ZNF385B: variants seen among roughly 807,000 people sequenced by gnomAD.
The protein encoded by ZNF385B is zinc finger protein 385B.
In ZNF385B, 23 loss-of-function variants were observed where a neutral mutation model predicts 39.2. The ratio of observed to expected loss-of-function variants is 0.59; its 90% CI spans 0.42 to 0.83. ZNF385B has a LOEUF of 0.83. ZNF385B is among the 40% of genes least tolerant of loss of function. The pLI, the probability that ZNF385B is intolerant of heterozygous loss-of-function variation, is 0.00. For missense variants in ZNF385B, 552 were observed against 598.9 expected (o/e 0.92, Z 0.82); for synonymous variants, 205 against 222.6 (o/e 0.92, Z 0.70).
intron 5 of ZNF385B, among the ~76,000 whole-genome samples, chr2:179,493,993 T>C (rs771426514): frequency 6.6e-6 from 1 of 151,024 alleles, no homozygotes; most frequent in Non-Finnish European, 1.5e-5. Context: ...AGATAAGAAA[T>C]TATAAATTTT....
chr2:179,523,641 T>C (rs892610953), intron 4 of ZNF385B, among the ~76,000 whole-genome samples: 3 of 152,180 alleles, frequency 2.0e-5, no homozygotes, highest in African/African-American at 7.2e-5. Flanking sequence ...ACTATCCCAG[T>C]ACTTTTCAAG....
intron 5 of ZNF385B, among the ~76,000 whole-genome samples, chr2:179,503,263 T>C (rs1201068400): frequency 6.6e-6 from 1 of 152,202 alleles, no homozygotes; most frequent in Admixed American, 6.5e-5. Context: ...CTGCTGGTGC[T>C]CTAAATCTCT....
At chr2:179,619,186 A>G (rs1485447376) in intron 3 of ZNF385B, among the ~76,000 whole-genome samples, 1 of 152,210 alleles carries the variant, frequency 6.6e-6, no homozygotes, top group Non-Finnish European at 1.5e-5. Context: ...TGCTGTGTTG[A>G]TGAACACTTC....
In ZNF385B at chr2:179,493,480, CAT is replaced by C. The variant is rs1290345566; in HGVS notation, c.553-10048_553-10047del. Among the ~76,000 whole-genome samples, 12 of 60,620 alleles carry C rather than the reference CAT, an allele frequency of 2.0e-4. 1 individual carries two copies. The East Asian group carries it at 2.1e-3, about 11-fold the overall frequency. 39.8% of individuals were successfully genotyped at this position (60,620 alleles called of 152,430 possible). On this transcript the variant is annotated intron_variant, in intron 5 of 9. Transcript: ENST00000410066. ...GTGTGTACATATATGCATGTGTACA[CAT>C]ATGTATAAACGTGTGTGTACATATA...
intron 3 of ZNF385B, among the ~76,000 whole-genome samples, chr2:179,582,851 G>T (rs183972785): frequency 3.5e-4 from 54 of 152,146 alleles, no homozygotes; most frequent in Non-Finnish European, 6.6e-4. Context: ...AATATTTTTT[G>T]TTGTTGTTGT....
intron 3 of ZNF385B, among the ~76,000 whole-genome samples, chr2:179,647,474 C>T (rs1184917253): frequency 6.6e-6 from 1 of 152,016 alleles, no homozygotes; most frequent in Admixed American, 6.6e-5. Context: ...TGAGTCTGAC[C>T]AGGAGATCAC....
chr2:179,495,381 A>G (rs904393628), intron 5 of ZNF385B, among the ~76,000 whole-genome samples: 2 of 152,152 alleles, frequency 1.3e-5, no homozygotes, highest in Non-Finnish European at 2.9e-5. Flanking sequence ...TGACTCTAGT[A>G]CTCAACTGAC....
At chr2:179,766,255 T>TC (rs1466362680) in intron 3 of ZNF385B, among the ~76,000 whole-genome samples, 1 of 152,012 alleles carries the variant, frequency 6.6e-6, no homozygotes, top group Non-Finnish European at 1.5e-5. Flanking sequence ...CGATGCCAAC[T>TC]CCAACACTAC....
At chr2:179,780,348 C>T (rs868848556) in intron 1 of ZNF385B, among the ~76,000 whole-genome samples, 3 of 152,174 alleles carry the variant, frequency 2.0e-5, no homozygotes, top group South Asian at 2.1e-4. Flanking sequence ...CTCTAAGGCA[C>T]AGGAGTCCCA....
intron 3 of ZNF385B, among the ~76,000 whole-genome samples, chr2:179,616,815 C>T (rs1297669472): frequency 6.6e-6 from 1 of 152,134 alleles, no homozygotes; most frequent in South Asian, 2.1e-4. Context: ...CCTGCCTTAG[C>T]CTCCCAAAAT....
intron 3 of ZNF385B, among the ~76,000 whole-genome samples, chr2:179,643,670 T>G (rs764816510): frequency 3.3e-5 from 5 of 152,096 alleles, no homozygotes; most frequent in Non-Finnish European, 7.4e-5. Context: ...GGTAAAACTA[T>G]AGTGGTGGAG....
intron 1 of ZNF385B, among the ~76,000 whole-genome samples, chr2:179,836,543 G>A (rs1371677236): frequency 7.4e-6 from 1 of 135,090 alleles, no homozygotes; most frequent in Non-Finnish European, 1.5e-5. Flanking sequence ...ACGGAGTCTC[G>A]CTCTGTCGCC....
At chr2:179,811,757 A>C (rs2106567279) in intron 1 of ZNF385B, among the ~76,000 whole-genome samples, 1 of 152,192 alleles carries the variant, frequency 6.6e-6, no homozygotes, top group South Asian at 2.1e-4. Context: ...TATGACTAAA[A>C]CCTCAAAAGC....
chr2:179,736,966 C>T (rs1361327594), intron 3 of ZNF385B, among the ~76,000 whole-genome samples: 1 of 152,194 alleles, frequency 6.6e-6, no homozygotes, highest in African/African-American at 2.4e-5. Flanking sequence ...GAGGCTCCGT[C>T]TCCAAACAAA....
At chr2:179,785,922 CA>C (rs1704968684) in intron 1 of ZNF385B, among the ~76,000 whole-genome samples, 1 of 152,146 alleles carries the variant, frequency 6.6e-6, no homozygotes, top group South Asian at 2.1e-4. Flanking sequence ...AAATTGTTAT[CA>C]AACAGCATTG....
chr2:179,739,170 T>C (rs911101767), intron 3 of ZNF385B, among the ~76,000 whole-genome samples: 3 of 152,350 alleles, frequency 2.0e-5, no homozygotes, highest in Admixed American at 6.5e-5. Context: ...TTTATACATA[T>C]AAAACGTCTT....
intron 3 of ZNF385B, among the ~76,000 whole-genome samples, chr2:179,719,146 A>G (rs1700520665): frequency 6.6e-6 from 1 of 151,996 alleles, no homozygotes; most frequent in Non-Finnish European, 1.5e-5. Flanking sequence ...CTAGTCTAGT[A>G]AGTCTCCCCT....
chr2:179,835,313 C>A (rs1708189340), intron 1 of ZNF385B, among the ~76,000 whole-genome samples: 1 of 152,290 alleles, frequency 6.6e-6, no homozygotes, highest in Non-Finnish European at 1.5e-5. Flanking sequence ...GTTTACGCAA[C>A]TTTTCCATCT....
chr2:179,775,501 A>ATT (rs144627121), intron 1 of ZNF385B, among the ~76,000 whole-genome samples: 4 of 152,052 alleles, frequency 2.6e-5, no homozygotes, highest in Non-Finnish European at 5.9e-5. Flanking sequence ...CATTGGTCTC[A>ATT]TTTTTTTCCC....
Sources: gnomAD v4.1 joint callset for allele counts (sites outside exome capture counted in the v4.1 genomes callset) on GRCh38, gnomAD v4.1.1 for gene constraint, MANE v1.5 for transcripts, NCBI Gene and HGNC (gene_info 2026-07-23, HGNC 2026-07-21) for gene names.